LRAT: variants seen among roughly 807,000 people sequenced by gnomAD.
The protein encoded by LRAT is lecithin retinol acyltransferase (phosphatidylcholine--retinol O-acyltransferase).
Under a neutral mutation model 14.2 loss-of-function variants are expected in LRAT, and 11 were observed. The observed-to-expected ratio is 0.78, with a 90% CI of 0.49 to 1.29. The LOEUF (loss-of-function observed/expected upper bound fraction) is 1.29. LRAT is among the 50% of genes most tolerant of loss of function. LRAT has a pLI of 0.00. For synonymous variants in LRAT, 144 were observed against 124.8 expected (o/e 1.15, Z -1.03); for missense variants, 274 against 292.4 (o/e 0.94, Z 0.46).
chr4:154,743,894 C>G (rs1261345354), upstream of LRAT: 1 of 151,122 alleles, frequency 6.6e-6, no homozygotes, highest in African/African-American at 2.4e-5. Flanking sequence ...CCGCCGCTAG[C>G]GCAGCGCGCC....
At chr4:154,745,565 T>A (rs1352040296) in intron 2 of LRAT, 1 of 152,480 alleles carries the variant, frequency 6.6e-6, no homozygotes, top group Non-Finnish European at 1.5e-5. Context: ...GGGTGGGGGA[T>A]ACAAGGAATC....
Position 154,752,690 on chromosome 4 carries a change from A to G in LRAT, c.*3554A>G, listed in dbSNP as rs188859414. The G allele has an allele frequency of 2.0e-5, 3 of 152,308 alleles. No individual in the cohort carries two copies. 9.4% of individuals were successfully genotyped at this position (152,308 alleles called of 1,614,324 possible). ...TTATTTGATTCATGCATAACTCCTG[A>G]TGGAGTGTCAAGGAAGACTCATTCA... On this transcript the variant is annotated 3_prime_UTR_variant, in exon 3 of 3. Transcript: ENST00000336356.
chr4:154,752,516 A>C lies in LRAT; in HGVS notation c.*3380A>C, dbSNP rs1733017989. 6.6e-6 allele frequency: 1 copy of C among 152,252 alleles called. No homozygotes were observed. The allele number at this position is 152,252 out of a possible 1,614,324, so 9.4% of individuals were successfully genotyped here. A position where few individuals can be genotyped will look rare whatever the true frequency, so the allele number is the denominator to read the frequency against. The stretch of plus-strand genomic sequence containing the variant: ...AGGCAATCGAGATTTGGGGTTCAGA[A>C]AGATAAATCCCAAAAGTATGGAGAA... On this transcript the variant is annotated 3_prime_UTR_variant, in exon 3 of 3. Transcript: ENST00000336356.
chr4:154,744,310 G>T lies in LRAT; in HGVS notation c.-1-16G>T. The T allele has an allele frequency of 1.2e-6, 2 of 1,613,622 alleles. No homozygotes were observed. The highest frequency in any genetic ancestry group is 8.5e-7 in the Non-Finnish European group (1 of 1,179,914). Reference sequence around the variant, plus strand: ...AGTGGCACCGGCACCTCTCCAAGACGCCCTCTTCCCTGCAGGATGAAGAAC... The same window carrying T: ...AGTGGCACCGGCACCTCTCCAAGACTCCCTCTTCCCTGCAGGATGAAGAAC... On this transcript the variant is annotated splice_polypyrimidine_tract_variant and intron_variant, in intron 1 of 2. Transcript: ENST00000336356.
At position 154,744,267 on chromosome 4, in the gene LRAT, C is replaced by A; in HGVS notation, c.-2+45C>A. 3.8e-6 allele frequency: 6 copies of A among 1,585,594 alleles called. No individual in the cohort carries two copies. In the South Asian group the frequency reaches 6.6e-5, roughly 18 times the overall value. On this transcript the variant is annotated intron_variant, in intron 1 of 2. Coordinates refer to ENST00000336356, the MANE Select transcript of LRAT (RefSeq NM_004744.5). ...CCCTGCCCGGCGAGCTTAACTTGCC[C>A]AGCCCGGCCCCTGCCGGAGTGGCAC...
Position 154,744,666 on chromosome 4 carries a change from G to A in LRAT, c.340G>A (p.Glu114Lys), listed in dbSNP as rs551548180. ...KVASIRVDTV[E>K]DFAYGANILV... ...GGCCAGCATCCGCGTGGACACAGTG[G>A]AGGACTTCGCCTACGGAGCTAACAT... Residue 114 changes from glutamate to lysine, a missense_variant, in exon 2 of 3, where the codon GAG (glutamate) becomes AAG (lysine). Physicochemically the swap from Glu to Lys is moderately conservative, Grantham distance 56 (BLOSUM62 1). Coordinates refer to ENST00000336356, the MANE Select transcript of LRAT (RefSeq NM_004744.5). 2.5e-6 allele frequency: 4 copies of A among 1,614,188 alleles called. No homozygotes were observed. In the South Asian group the frequency reaches 4.4e-5, roughly 18 times the overall value.
intron 2 of LRAT, among the ~76,000 whole-genome samples, chr4:154,747,671 A>G (rs1193660585): frequency 2.0e-5 from 3 of 152,214 alleles, no homozygotes; most frequent in Non-Finnish European, 4.4e-5. Context: ...AAAAATAAGG[A>G]TAACTGTATT....
Position 154,744,025 on chromosome 4 carries a change from G to A in LRAT, c.-199G>A, listed in dbSNP as rs77224348. On this transcript the variant is annotated 5_prime_UTR_variant, in exon 1 of 3. Transcript: ENST00000336356. ...GAGCACCGCGCGCGGCCCTGCCCCC[G>A]GCACGGCCCCCAGGTGCGCTCCTTC... is the stretch of plus-strand genomic sequence containing the variant. 1 of 435,592 alleles carries A rather than the reference G, an allele frequency of 2.3e-6. No homozygotes were observed. The highest frequency in any genetic ancestry group is 3.6e-5 in the Admixed American group (1 of 27,448). The allele number at this position is 435,592 out of a possible 1,614,324, so 27.0% of individuals were successfully genotyped here.
rs974329304 is a variant in LRAT at position 154,750,528 on chromosome 4, G to C, written c.*1392G>C. ...TTATGAGTGAATATGGGGAGGGCGGGGCCAATCAGTCAATGATAATCTGAA... is the reference window on the plus strand; with the variant it reads ...TTATGAGTGAATATGGGGAGGGCGGCGCCAATCAGTCAATGATAATCTGAA... On this transcript the variant is annotated 3_prime_UTR_variant, in exon 3 of 3. Coordinates refer to ENST00000336356, the MANE Select transcript of LRAT (RefSeq NM_004744.5). 1 of 151,810 alleles carries C rather than the reference G, an allele frequency of 6.6e-6. No homozygotes were observed. Among genetic ancestry groups the C allele is most frequent in the Admixed American group, 6.6e-5 (1 of 15,264 alleles). 9.4% of individuals were successfully genotyped at this position (151,810 alleles called of 1,614,324 possible). A position where few individuals can be genotyped will look rare whatever the true frequency, so the allele number is the denominator to read the frequency against.
In LRAT at chr4:154,751,733, CAAAAAAAAAAAAAAA is replaced by C. The variant is rs760244398; in HGVS notation, c.*2614_*2628del. On this transcript the variant is annotated 3_prime_UTR_variant, in exon 3 of 3. Transcript: ENST00000336356. ...TGGGCAACAAAGTGAGACTCCATCTCAAAAAAAAAAAAAAAAAAAAAAAAAAAAAAAGAAGAAGAA... is the reference window on the plus strand; with the variant it reads ...TGGGCAACAAAGTGAGACTCCATCTCAAAAAAAAAAAAAAAAGAAGAAGAA... 3 of 23,852 alleles carry C rather than the reference CAAAAAAAAAAAAAAA, an allele frequency of 1.3e-4. No homozygotes were observed. Among genetic ancestry groups the C allele is most frequent in the African/African-American group, 3.9e-4 (3 of 7,750 alleles). 1.5% of individuals were successfully genotyped at this position (23,852 alleles called of 1,614,324 possible).
intron 2 of LRAT, among the ~76,000 whole-genome samples, chr4:154,747,409 T>C (rs540445682): frequency 1.3e-5 from 2 of 152,256 alleles, no homozygotes; most frequent in East Asian, 1.9e-4. Flanking sequence ...TGCTCTTTCA[T>C]TGCCAAAAAT....
At chr4:154,743,198 AAG>A (rs906884916), upstream of LRAT, among the ~76,000 whole-genome samples, 31 of 148,640 alleles carry the variant, frequency 2.1e-4, no homozygotes, top group East Asian at 6.1e-4. Flanking sequence ...CATTTGAAAA[AAG>A]AGGGGCTGGG....
In LRAT at chr4:154,749,053, G is replaced by A. The variant is rs1485674606; in HGVS notation, c.610G>A (p.Ala204Thr). ...TCTTGCTTCAGCAGTCTTGGGATTG[G>A]CGTCTATAGTCTGTACGGGCTTGGT... The part of the protein sequence containing the change: ...SVLASAVLGL[A>T]SIVCTGLVSY... The change falls in exon 3 of 3, where the codon GCG becomes ACG. Residue 204 changes from alanine to threonine, a missense_variant. Physicochemically the swap from Ala to Thr is moderately conservative, Grantham distance 58. Coordinates refer to ENST00000336356, the MANE Select transcript of LRAT (RefSeq NM_004744.5). The A allele has an allele frequency of 6.2e-7, 1 of 1,613,628 alleles. No homozygotes were observed. The highest frequency in any genetic ancestry group is 1.3e-5 in the African/African-American group (1 of 74,884).
At chr4:154,741,658 C>A (rs1212242273), upstream of LRAT, among the ~76,000 whole-genome samples, 1 of 152,160 alleles carries the variant, frequency 6.6e-6, no homozygotes, top group Non-Finnish European at 1.5e-5. Flanking sequence ...AGAAAGTGGA[C>A]CCCACCGGGG....
intron 2 of LRAT, among the ~76,000 whole-genome samples, chr4:154,746,852 A>C (rs1732892425): frequency 6.6e-6 from 1 of 152,090 alleles, no homozygotes; most frequent in African/African-American, 2.4e-5. Context: ...GCTGCATAGC[A>C]CCTCTTGTGA....
chr4:154,742,321 A>G (rs1213112353), upstream of LRAT, among the ~76,000 whole-genome samples: 2 of 152,028 alleles, frequency 1.3e-5, no homozygotes, highest in South Asian at 2.1e-4. Flanking sequence ...TGCTGGGACT[A>G]TAATGTGATG....
rs1178660976 is a variant in LRAT, at chr4:154,744,589, C to T, written c.263C>T (p.Thr88Met). The T allele has an allele frequency of 1.9e-6, 3 of 1,614,096 alleles. No homozygotes were observed. Among genetic ancestry groups the T allele is most frequent in the African/African-American group, 1.3e-5 (1 of 75,018 alleles). ...LLALTDDMGR[T>M]QKVVSNKRLI... The stretch of plus-strand genomic sequence containing the variant: ...GCCCTGACAGACGACATGGGGCGCA[C>T]GCAGAAGGTGGTCTCCAACAAGCGT... The change falls in exon 2 of 3, where the codon ACG becomes ATG. Residue 88 changes from threonine (T) to methionine (M), a missense_variant. Transcript: ENST00000336356.
At position 154,751,761 on chromosome 4, in the gene LRAT, A is replaced by AAAAAAAAAAAAAAAAAAAG. The variant is rs1553973380; in HGVS notation, c.*2628_*2629insAAAAAAAAAAAAAAAGAAA. 3 of 109,696 alleles carry AAAAAAAAAAAAAAAAAAAG rather than the reference A, an allele frequency of 2.7e-5. 1 individual carries two copies. The highest frequency in any genetic ancestry group is 5.7e-5 in the Non-Finnish European group (3 of 52,954). 6.8% of individuals were successfully genotyped at this position (109,696 alleles called of 1,614,324 possible). The stretch of plus-strand genomic sequence containing the variant: ...AAAAAAAAAAAAAAAAAAAAAAAAA[A>AAAAAAAAAAAAAAAAAAAG]AAAGAAGAAGAAACCCTGAGCCATT... On this transcript the variant is annotated 3_prime_UTR_variant, in exon 3 of 3. Transcript: ENST00000336356.
rs1732966556 is a variant in LRAT at position 154,750,317 on chromosome 4, C to T, written c.*1181C>T. 6.6e-6 allele frequency: 1 copy of T among 152,042 alleles called. No homozygotes were observed. Among genetic ancestry groups the T allele is most frequent in the African/African-American group, 2.4e-5 (1 of 41,406 alleles). The allele number at this position is 152,042 out of a possible 1,614,324, so 9.4% of individuals were successfully genotyped here. A position where few individuals can be genotyped will look rare whatever the true frequency, so the allele number is the denominator to read the frequency against. On this transcript the variant is annotated 3_prime_UTR_variant, in exon 3 of 3. Transcript: ENST00000336356. ...AAAATAATTTTAAAGTGGCTTAGTA[C>T]TGCCAGTCATGTAAATTGATTCTGC...
Sources: gnomAD v4.1 joint callset for allele counts (sites outside exome capture counted in the v4.1 genomes callset) on GRCh38, gnomAD v4.1.1 for gene constraint, MANE v1.5 for transcripts, NCBI Gene and HGNC (gene_info 2026-07-23, HGNC 2026-07-21) for gene names.